The following MED13L variants were observed in gnomAD, a reference collection of about 807,000 sequenced individuals.
The protein encoded by MED13L is mediator complex subunit 13L, also known as mediator of RNA polymerase II transcription subunit 13-like.
In MED13L, 7 loss-of-function variants were observed where a neutral mutation model predicts 220.9. The ratio of observed to expected loss-of-function variants is 0.03; its 90% confidence interval spans 0.02 to 0.06. The LOEUF is 0.06. Among genes scored for constraint, MED13L ranks in the 10% least tolerant of loss-of-function variants. The pLI is 1.00. For synonymous variants in MED13L, 1,011 were observed against 1,015.2 expected, an observed-to-expected ratio of 1.00 and a Z score of 0.08; for missense variants, 1,965 against 2,760.5, an observed-to-expected ratio of 0.71 and a Z score of 6.46.
intron 4 of MED13L, among the ~76,000 whole-genome samples, chr12:116,034,401 C>A (rs1881046444): frequency 6.6e-6 from 1 of 152,086 alleles, no homozygotes; most frequent in African/African-American, 2.4e-5. Context: ...TGCGGAAGAA[C>A]ACAAATGTAA....
chr12:116,010,644 G>A (rs1879335722), intron 9 of MED13L, among the ~76,000 whole-genome samples: 2 of 152,138 alleles, frequency 1.3e-5, no homozygotes, highest in Admixed American at 1.3e-4. Context: ...CTATATGGGT[G>A]ACTGGTGGTA....
intron 1 of MED13L, among the ~76,000 whole-genome samples, chr12:116,244,170 C>T (rs1466154001): frequency 6.6e-6 from 1 of 152,172 alleles, no homozygotes; most frequent in African/African-American, 2.4e-5. Flanking sequence ...CCTCACCTCA[C>T]TTCCTCCAAT....
In MED13L at chr12:116,277,518, G is replaced by A. The variant is rs1873982388; in HGVS notation, c.-387C>T. Among the ~76,000 whole-genome samples, 1 of 148,830 alleles carries A rather than the reference G, an allele frequency of 6.7e-6. No homozygotes were observed. ...GCCCCGGAGCCGCCGCCGCCGCCTC[G>A]GAGCCGCCGCCGCCGCGGAGCGCGA... is the stretch of plus-strand genomic sequence containing the variant. On this transcript the variant is annotated 5_prime_UTR_variant, in exon 1 of 31. Coordinates refer to ENST00000281928, the MANE Select transcript of MED13L (RefSeq NM_015335.5).
chr12:116,096,354 C>CAAAAAAAAAAAAAAAACAA (rs1872637441), intron 4 of MED13L, among the ~76,000 whole-genome samples: 1 of 23,570 alleles, frequency 4.2e-5, no homozygotes, highest in African/African-American at 1.3e-4. Context: ...GACACAGCCT[C>CAAAAAAAAAAAAAAAACAA]AAAAAAAAAA....
chr12:116,226,802 G>GA (rs2138415843), intron 2 of MED13L, among the ~76,000 whole-genome samples: 1 of 150,814 alleles, frequency 6.6e-6, no homozygotes, highest in East Asian at 2.0e-4. Context: ...TCCGGACGTG[G>GA]AGGTTGCAGT....
intron 4 of MED13L, among the ~76,000 whole-genome samples, chr12:116,096,196 A>G (rs1051400215): frequency 6.6e-6 from 1 of 151,642 alleles, no homozygotes; most frequent in African/African-American, 2.4e-5. Flanking sequence ...TCTACCAAAA[A>G]TACAAAAAAT....
chr12:116,254,639 T>C (rs149247054), intron 1 of MED13L, among the ~76,000 whole-genome samples: 7 of 152,012 alleles, frequency 4.6e-5, no homozygotes, highest in African/African-American at 1.4e-4. Flanking sequence ...TAATCCCAGC[T>C]ACCATGATTC....
chr12:116,123,186 AC>A (rs772594378), intron 2 of MED13L, among the ~76,000 whole-genome samples: 2 of 152,122 alleles, frequency 1.3e-5, no homozygotes, highest in East Asian at 1.9e-4. Flanking sequence ...TTTCTCCTTT[AC>A]CTCTTTGAGT....
intron 2 of MED13L, chr12:116,232,207 T>A (rs147832639): frequency 1.2e-6 from 1 of 856,376 alleles, no homozygotes. Flanking sequence ...CAACAAAGGG[T>A]AATAACTGCC....
chr12:116,157,988 C>T (rs763736656), intron 2 of MED13L, among the ~76,000 whole-genome samples: 13 of 152,014 alleles, frequency 8.6e-5, no homozygotes, highest in Non-Finnish European at 1.6e-4. Flanking sequence ...TGCCACAGCC[C>T]GCTGGTATTT....
chr12:116,040,425 G>A (rs940205104), intron 4 of MED13L, among the ~76,000 whole-genome samples: 3 of 152,096 alleles, frequency 2.0e-5, no homozygotes, highest in African/African-American at 7.2e-5. Context: ...AACCTGAATA[G>A]TAACTAACAA....
intron 26 of MED13L, among the ~76,000 whole-genome samples, chr12:115,971,196 C>G (rs747992506): frequency 1.3e-5 from 2 of 152,156 alleles, no homozygotes; most frequent in African/African-American, 2.4e-5. Context: ...AGCATTTGTG[C>G]TAAACTCTTC....
chr12:115,977,669 A>C (rs1877027447), intron 23 of MED13L, among the ~76,000 whole-genome samples: 1 of 152,186 alleles, frequency 6.6e-6, no homozygotes, highest in Non-Finnish European at 1.5e-5. Context: ...TGAACCTCAA[A>C]ATCATTATGC....
intron 2 of MED13L, among the ~76,000 whole-genome samples, chr12:116,113,269 A>G (rs1874231750): frequency 6.6e-6 from 1 of 152,012 alleles, no homozygotes. Flanking sequence ...TTTTATTTCC[A>G]TAATTTTCTT....
rs768900677 is a variant in MED13L, at chr12:116,012,817, T to C, written c.1260A>G (p.Arg420=). ...CCTACCTGGAACAAGAACAGCTGACTCTTTGGGTTGGATCCACAAAATCCC... is the reference window on the plus strand; with the variant it reads ...CCTACCTGGAACAAGAACAGCTGACCCTTTGGGTTGGATCCACAAAATCCC... The part of the protein sequence containing the change: ...ATWDFVDPTQ[R]VSCSCSRHKL... The change falls in exon 9 of 31, where the codon AGA becomes AGG. Residue 420 remains arginine (R), a synonymous_variant. Transcript: ENST00000281928. The C allele has an allele frequency of 6.2e-7, 1 of 1,613,478 alleles. No individual in the cohort carries two copies. Among genetic ancestry groups the C allele is most frequent in the Non-Finnish European group, 8.5e-7 (1 of 1,179,402 alleles).
At chr12:115,970,838 T>G in intron 26 of MED13L, 68 bp from the exon 27 acceptor site, 1 of 1,418,868 alleles carries the variant, frequency 7.0e-7, no homozygotes, top group South Asian at 1.2e-5. Context: ...TCAGAGGGCC[T>G]GATCTGGAGT....
chr12:116,084,964 C>T (rs1314306121), intron 4 of MED13L, among the ~76,000 whole-genome samples: 2 of 151,732 alleles, frequency 1.3e-5, no homozygotes, highest in African/African-American at 4.9e-5. Context: ...TACTTTTAGC[C>T]AACTGTTTTC....
Position 115,984,392 on chromosome 12 carries a change from CATTAGTT to C in MED13L, c.4339-27_4339-21del, listed in dbSNP as rs1565993675. ...ACACATCTGATATCATAGACAAGAT[CATTAGTT>C]ATAACAGGAGCCATTCCTTCATTCA... is the stretch of plus-strand genomic sequence containing the variant. On this transcript the variant is annotated intron_variant, in intron 19 of 30. Coordinates refer to ENST00000281928, the MANE Select transcript of MED13L (RefSeq NM_015335.5). 5 of 1,613,312 alleles carry C rather than the reference CATTAGTT, an allele frequency of 3.1e-6. No individual in the cohort carries two copies. In the Admixed American group the frequency reaches 6.7e-5, roughly 22 times the overall value.
intron 1 of MED13L, among the ~76,000 whole-genome samples, chr12:116,259,461 T>C (rs1872333851): frequency 6.6e-6 from 1 of 152,114 alleles, no homozygotes; most frequent in Non-Finnish European, 1.5e-5. Flanking sequence ...TACATATAAA[T>C]ACATATGTGA....
Sources: gnomAD v4.1 joint callset for allele counts (sites outside exome capture counted in the v4.1 genomes callset) on GRCh38, gnomAD v4.1.1 for gene constraint, MANE v1.5 for transcripts, NCBI Gene and HGNC (gene_info 2026-07-23, HGNC 2026-07-21) for gene names.